Variants in ZNF407 observed in about 807,000 individuals in gnomAD.
ZNF407 encodes the protein zinc finger protein 407.
In ZNF407, 17 loss-of-function variants were observed where a neutral mutation model predicts 131.2. The ratio of observed to expected loss-of-function variants is 0.13; its 90% CI spans 0.09 to 0.19. The LOEUF is 0.19. Ranked by LOEUF, ZNF407 falls within the 10% of genes least tolerant of loss-of-function variation. The pLI is 1.00. For synonymous variants in ZNF407, 1,156 were observed against 1,062.0 expected (o/e 1.09, Z -1.72); for missense variants, 2,681 against 2,830.6 (o/e 0.95, Z 1.20).
intron 8 of ZNF407, among the ~76,000 whole-genome samples, chr18:74,992,571 A>G (rs1335345621): frequency 1.3e-5 from 2 of 152,218 alleles, no homozygotes; most frequent in Non-Finnish European, 2.9e-5. Flanking sequence ...ATTCGTGGAT[A>G]AGAGCTGGAT....
At chr18:74,679,918 G>A (rs556184241) in intron 3 of ZNF407, among the ~76,000 whole-genome samples, 1 of 152,256 alleles carries the variant, frequency 6.6e-6, no homozygotes, top group Admixed American at 6.5e-5. Flanking sequence ...CCTTGGGAAG[G>A]GTTTGTTTTT....
At chr18:74,688,145 A>G (rs1967138464) in intron 3 of ZNF407, among the ~76,000 whole-genome samples, 1 of 152,196 alleles carries the variant, frequency 6.6e-6, no homozygotes, top group African/African-American at 2.4e-5. Context: ...TTTTCAAGTA[A>G]AATTTGATTA....
chr18:74,641,441 T>C (rs1984712141), intron 3 of ZNF407, among the ~76,000 whole-genome samples: 1 of 152,158 alleles, frequency 6.6e-6, no homozygotes, highest in Non-Finnish European at 1.5e-5. Flanking sequence ...CAAAAATACA[T>C]AATATAGCTT....
chr18:74,617,188 CG>C (rs1983352810), intron 1 of ZNF407, among the ~76,000 whole-genome samples: 5 of 140,144 alleles, frequency 3.6e-5, no homozygotes, highest in South Asian at 2.3e-4. Flanking sequence ...CCACACACAT[CG>C]ACACACTTTA....
At chr18:74,822,018 A>G (rs1970347402) in intron 4 of ZNF407, among the ~76,000 whole-genome samples, 1 of 152,268 alleles carries the variant, frequency 6.6e-6, no homozygotes, top group Middle Eastern at 3.4e-3. Context: ...TTCTCTAATG[A>G]CCAGTGAGGA....
intron 3 of ZNF407, among the ~76,000 whole-genome samples, chr18:74,644,623 T>A (rs1984883420): frequency 6.6e-6 from 1 of 151,978 alleles, no homozygotes; most frequent in South Asian, 2.1e-4. Context: ...TGCATTGTGG[T>A]CTAATAAATA....
chr18:74,674,925 T>A (rs1211540687), intron 3 of ZNF407, among the ~76,000 whole-genome samples: 1 of 152,216 alleles, frequency 6.6e-6, no homozygotes, highest in Non-Finnish European at 1.5e-5. Context: ...TCACCAAATG[T>A]ATATCTCTAG....
chr18:74,652,123 C>A (rs1985255018), intron 3 of ZNF407, among the ~76,000 whole-genome samples: 1 of 151,978 alleles, frequency 6.6e-6, no homozygotes, highest in Non-Finnish European at 1.5e-5. Flanking sequence ...CCCCTTTTTT[C>A]TACCCTTTTA....
intron 1 of ZNF407, among the ~76,000 whole-genome samples, chr18:74,626,963 C>A (rs1983811161): frequency 6.6e-6 from 1 of 152,156 alleles, no homozygotes; most frequent in Non-Finnish European, 1.5e-5. Context: ...GATCTCTGGG[C>A]CTCTTTTTCT....
chr18:75,031,627 C>T (rs1381111025), intron 8 of ZNF407, among the ~76,000 whole-genome samples: 9 of 152,190 alleles, frequency 5.9e-5, no homozygotes, highest in Admixed American at 1.3e-4. Flanking sequence ...CATAATTAAA[C>T]ATTTATCAAG....
chr18:74,984,810 C>G (rs548517270), intron 8 of ZNF407, among the ~76,000 whole-genome samples: 4 of 152,308 alleles, frequency 2.6e-5, no homozygotes, highest in Admixed American at 6.5e-5. Context: ...GAAGAGCTGG[C>G]CCTGCATTTG....
chr18:74,985,789 A>C (rs753919654), intron 8 of ZNF407, among the ~76,000 whole-genome samples: 6 of 152,132 alleles, frequency 3.9e-5, no homozygotes, highest in Non-Finnish European at 7.4e-5. Context: ...ATTGCTTGAC[A>C]GTGAAACAGG....
At chr18:74,897,201 TTAAG>T (rs1971464217) in intron 7 of ZNF407, among the ~76,000 whole-genome samples, 1 of 152,222 alleles carries the variant, frequency 6.6e-6, no homozygotes, top group South Asian at 2.1e-4. Context: ...ACAACCTTGT[TTAAG>T]TAAAAGATCT....
At position 74,632,450 on chromosome 18, in the gene ZNF407, G is replaced by A. The variant is rs1984160110; in HGVS notation, c.1431G>A (p.Leu477=). The A allele has an allele frequency of 1.2e-6, 2 of 1,613,910 alleles. No individual in the cohort carries two copies. Among genetic ancestry groups the A allele is most frequent in the Admixed American group, 1.7e-5 (1 of 60,006 alleles). ...QMKTHDAESV[L]KHLEACSSVQ... ...AAACACACGATGCAGAATCAGTGCTGAAACACCTGGAAGCGTGCAGCAGTG... is the reference window on the plus strand; with the variant it reads ...AAACACACGATGCAGAATCAGTGCTAAAACACCTGGAAGCGTGCAGCAGTG... Residue 477 remains leucine, a synonymous_variant, in exon 2 of 9, where the codon CTG becomes CTA. Coordinates refer to ENST00000299687, the MANE Select transcript of ZNF407 (RefSeq NM_017757.3).
At chr18:74,646,776 G>C (rs1337920425) in intron 3 of ZNF407, among the ~76,000 whole-genome samples, 1 of 152,184 alleles carries the variant, frequency 6.6e-6, no homozygotes, top group Non-Finnish European at 1.5e-5. Flanking sequence ...CCAGTGAACT[G>C]TTTGGTGAAG....
intron 8 of ZNF407, among the ~76,000 whole-genome samples, chr18:74,957,977 A>G (rs546358282): frequency 6.6e-6 from 1 of 152,234 alleles, no homozygotes; most frequent in African/African-American, 2.4e-5. Context: ...ATGTTTTAAG[A>G]TGAGCTGAAG....
At chr18:74,973,029 T>C (rs1021503542) in intron 8 of ZNF407, among the ~76,000 whole-genome samples, 1 of 152,236 alleles carries the variant, frequency 6.6e-6, no homozygotes, top group Non-Finnish European at 1.5e-5. Flanking sequence ...AGTTTTCTTT[T>C]TCCTGCCTGC....
chr18:74,694,026 A>C (rs1967292852), intron 3 of ZNF407, among the ~76,000 whole-genome samples: 1 of 152,148 alleles, frequency 6.6e-6, no homozygotes, highest in South Asian at 2.1e-4. Context: ...CAGTTGACTA[A>C]AGTATACTCT....
intron 3 of ZNF407, among the ~76,000 whole-genome samples, chr18:74,658,639 T>G (rs1334495393): frequency 6.6e-6 from 1 of 152,178 alleles, no homozygotes; most frequent in Non-Finnish European, 1.5e-5. Context: ...AAAATAACCA[T>G]AAAATAATTC....
Sources: gnomAD v4.1 joint callset for allele counts (sites outside exome capture counted in the v4.1 genomes callset) on GRCh38, gnomAD v4.1.1 for gene constraint, MANE v1.5 for transcripts, NCBI Gene and HGNC (gene_info 2026-07-23, HGNC 2026-07-21) for gene names.